ANKFY1: variants seen among roughly 807,000 people sequenced by gnomAD.
The protein encoded by ANKFY1 is ankyrin repeat and FYVE domain-containing protein 1.
In ANKFY1, 47 loss-of-function variants were observed where a neutral mutation model predicts 128.3. The observed-to-expected ratio is 0.37, with a 90% confidence interval of 0.29 to 0.47. ANKFY1 has a LOEUF of 0.47. Among genes scored for constraint, ANKFY1 ranks in the 20% least tolerant of loss-of-function variants. ANKFY1 has a pLI of 1.00. For synonymous variants in ANKFY1, 553 were observed against 601.6 expected, an observed-to-expected ratio of 0.92 and a Z score of 1.18; for missense variants, 1,222 against 1,510.6, an observed-to-expected ratio of 0.81 and a Z score of 3.17.
At chr17:4,192,185 T>C (rs1164914895) in intron 10 of ANKFY1, among the ~76,000 whole-genome samples, 1 of 150,190 alleles carries the variant, frequency 6.7e-6, no homozygotes, top group East Asian at 2.0e-4. Context: ...AGTTGATGGT[T>C]AATCTGGAGA....
intron 1 of ANKFY1, among the ~76,000 whole-genome samples, chr17:4,254,469 TG>T (rs1968012744): frequency 6.6e-6 from 1 of 152,268 alleles, no homozygotes; most frequent in Admixed American, 6.5e-5. Context: ...CTCTTGCAGG[TG>T]GAAGAATCAG....
chr17:4,208,140 C>G, intron 5 of ANKFY1, 58 bp from the exon 6 acceptor site: 1 of 1,516,198 alleles, frequency 6.6e-7, no homozygotes, highest in Non-Finnish European at 8.8e-7. Context: ...AATCCAACCA[C>G]CATTTAGCAA....
chr17:4,208,114 C>T (rs1396873837), intron 5 of ANKFY1, 32 bp from the exon 6 acceptor site: 1 of 1,569,574 alleles, frequency 6.4e-7, no homozygotes, highest in Non-Finnish European at 8.6e-7. Context: ...AAAAGCAGAA[C>T]AGACACAAGG....
At position 4,182,313 on chromosome 17, in the gene ANKFY1, G is replaced by T; in HGVS notation, c.1989C>A (p.Ile663=). ...QDGETALQLA[I]RNQLPLVVDA... Reference sequence around the variant, plus strand: ...CAACTACGAGTGGAAGCTGGTTTCTGATGGCCAGCTGGAGGGCTGTCTCCC... The same window carrying T: ...CAACTACGAGTGGAAGCTGGTTTCTTATGGCCAGCTGGAGGGCTGTCTCCC... The change falls in exon 15 of 25, where the codon ATC becomes ATA. Residue 663 remains isoleucine, a synonymous_variant. Coordinates refer to ENST00000341657, the MANE Select transcript of ANKFY1 (RefSeq NM_001330063.2). 6.3e-7 allele frequency: 1 copy of T among 1,591,832 alleles called. No individual in the cohort carries two copies. Among genetic ancestry groups the T allele is most frequent in the Non-Finnish European group, 8.6e-7 (1 of 1,168,014 alleles).
chr17:4,234,892 A>G (rs1412252208), intron 3 of ANKFY1, among the ~76,000 whole-genome samples: 1 of 152,204 alleles, frequency 6.6e-6, no homozygotes, highest in Non-Finnish European at 1.5e-5. Flanking sequence ...ATATAGTAAA[A>G]TGAGCACTAT....
intron 11 of ANKFY1, chr17:4,187,011 C>G: frequency 8.2e-7 from 1 of 1,222,726 alleles, no homozygotes; most frequent in Non-Finnish European, 1.0e-6. Context: ...TTTTTAAATT[C>G]GTATTTCAGT....
intron 22 of ANKFY1, 28 bp downstream of exon 22, chr17:4,172,528 C>T (rs201949200): frequency 6.9e-5 from 110 of 1,602,098 alleles, no homozygotes; most frequent in South Asian, 5.0e-4. Flanking sequence ...GCAAGTGAGA[C>T]GGGACATACC....
At chr17:4,263,462 G>GCCCCCC in intron 1 of ANKFY1, 2 of 1,213,702 alleles carry the variant, frequency 1.6e-6, no homozygotes, top group Non-Finnish European at 1.1e-6. Flanking sequence ...CTGCTGCCTC[G>GCCCCCC]CCCCCACCCC....
intron 6 of ANKFY1, among the ~76,000 whole-genome samples, chr17:4,207,701 A>G (rs181298637): frequency 1.3e-5 from 2 of 152,070 alleles, no homozygotes; most frequent in Non-Finnish European, 2.9e-5. Context: ...AAAAAAAAAA[A>G]CTACCTAAAA....
intron 10 of ANKFY1, among the ~76,000 whole-genome samples, chr17:4,190,571 A>T (rs186143300): frequency 4.6e-5 from 7 of 152,292 alleles, no homozygotes; most frequent in Non-Finnish European, 8.8e-5. Flanking sequence ...CTATTAGAAA[A>T]TGCCCCTTAA....
At chr17:4,263,734 G>T in intron 1 of ANKFY1, 198 bp downstream of exon 1, 1 of 1,484,460 alleles carries the variant, frequency 6.7e-7, no homozygotes, top group Non-Finnish European at 8.9e-7. Flanking sequence ...TCGGCATCGC[G>T]GGAGGGACGT....
At chr17:4,239,728 G>T (rs377653760) in intron 2 of ANKFY1, among the ~76,000 whole-genome samples, 1 of 151,916 alleles carries the variant, frequency 6.6e-6, no homozygotes, top group African/African-American at 2.4e-5. Context: ...TAGTACAGAC[G>T]GGGTTTCCTC....
chr17:4,245,930 GCCA>G (rs879654242), intron 1 of ANKFY1, among the ~76,000 whole-genome samples: 3 of 151,832 alleles, frequency 2.0e-5, no homozygotes, highest in Non-Finnish European at 4.4e-5. Flanking sequence ...TGTAGTCCCA[GCCA>G]CTCAGGAGGC....
At position 4,198,618 on chromosome 17, in the gene ANKFY1, T is replaced by C. The variant is rs2059870850; in HGVS notation, c.899-1041A>G. Among the ~76,000 whole-genome samples the C allele has an allele frequency of 2.0e-5, 3 of 152,258 alleles. No individual in the cohort carries two copies. In the South Asian group the frequency reaches 6.2e-4, roughly 32 times the overall value. ...AACTCCTGAGCTCAGGAAAACCACCTGCCTCGGCCTCCCAAAATGCTGGGA... is the reference window on the plus strand; with the variant it reads ...AACTCCTGAGCTCAGGAAAACCACCCGCCTCGGCCTCCCAAAATGCTGGGA... On this transcript the variant is annotated intron_variant, in intron 7 of 24. Coordinates refer to ENST00000341657, the MANE Select transcript of ANKFY1 (RefSeq NM_001330063.2).
intron 1 of ANKFY1, among the ~76,000 whole-genome samples, chr17:4,246,866 C>T (rs1442350538): frequency 6.6e-6 from 1 of 152,158 alleles, no homozygotes; most frequent in East Asian, 1.9e-4. Context: ...AATCCCAGCA[C>T]TTTGTGGGTC....
intron 2 of ANKFY1, among the ~76,000 whole-genome samples, chr17:4,240,847 T>C (rs1032022632): frequency 2.6e-5 from 4 of 152,332 alleles, no homozygotes; most frequent in Non-Finnish European, 5.9e-5. Flanking sequence ...CTCCTCTACA[T>C]GGGCAAGTAC....
chr17:4,246,409 A>T (rs1967542960), intron 1 of ANKFY1, among the ~76,000 whole-genome samples: 1 of 152,190 alleles, frequency 6.6e-6, no homozygotes, highest in Non-Finnish European at 1.5e-5. Context: ...GAGAAATACA[A>T]ATAATTATGA....
chr17:4,180,856 C>T (rs1288259271), intron 16 of ANKFY1, among the ~76,000 whole-genome samples: 1 of 152,088 alleles, frequency 6.6e-6, no homozygotes, highest in Admixed American at 6.6e-5. Flanking sequence ...AACCTCGGCT[C>T]CCACACTTCC....
chr17:4,218,787 A>G (rs1242125114), intron 3 of ANKFY1, among the ~76,000 whole-genome samples: 1 of 152,170 alleles, frequency 6.6e-6, no homozygotes, highest in Non-Finnish European at 1.5e-5. Flanking sequence ...CCAATGTGGG[A>G]AGAGAAATTG....
Sources: gnomAD v4.1 joint callset for allele counts (sites outside exome capture counted in the v4.1 genomes callset) on GRCh38, gnomAD v4.1.1 for gene constraint, MANE v1.5 for transcripts, NCBI Gene and HGNC (gene_info 2026-07-23, HGNC 2026-07-21) for gene names.